The following COL26A1 variants were observed in gnomAD, a reference collection of about 807,000 sequenced individuals.
COL26A1 encodes collagen type XXVI alpha 1 chain.
COL26A1 carries 41 observed loss-of-function variants against 59.3 expected under a neutral mutation model. The ratio of observed to expected loss-of-function variants is 0.69; its 90% CI spans 0.54 to 0.90. The LOEUF is 0.90. Among genes scored for constraint, COL26A1 ranks in the 40% least tolerant of loss-of-function variants. The probability of loss-of-function intolerance (pLI) is 0.00; values close to 1 mark genes in which losing one functional copy is unlikely to be tolerated. For missense variants in COL26A1, 612 were observed against 602.3 expected (o/e 1.02, Z -0.17); for synonymous variants, 266 against 256.0 (o/e 1.04, Z -0.37).
intron 1 of COL26A1, among the ~76,000 whole-genome samples, chr7:101,395,901 A>G (rs1374663690): frequency 6.6e-6 from 1 of 152,074 alleles, no homozygotes; most frequent in East Asian, 1.9e-4. Flanking sequence ...GTCTTTGTGC[A>G]CTTAGGTGCT....
intron 9 of COL26A1, among the ~76,000 whole-genome samples, chr7:101,549,847 C>T (rs187182153): frequency 6.6e-5 from 10 of 152,268 alleles, no homozygotes; most frequent in African/African-American, 2.4e-4. Context: ...AGAGTTGGGC[C>T]AGGTCACAGA....
chr7:101,371,414 C>T (rs899574899), intron 1 of COL26A1, among the ~76,000 whole-genome samples: 4 of 151,860 alleles, frequency 2.6e-5, no homozygotes, highest in Non-Finnish European at 5.9e-5. Context: ...TTTGGGAGAC[C>T]GAGGTGGGAG....
chr7:101,547,542 C>T (rs1010912087), intron 8 of COL26A1, among the ~76,000 whole-genome samples: 13 of 152,194 alleles, frequency 8.5e-5, no homozygotes, highest in African/African-American at 3.1e-4. Context: ...GGGGTCAGGA[C>T]AGAGGTGGCA....
At chr7:101,489,027 G>A (rs80256524) in intron 3 of COL26A1, among the ~76,000 whole-genome samples, 29 of 152,288 alleles carry the variant, frequency 1.9e-4, no homozygotes, top group East Asian at 5.8e-4. Flanking sequence ...GCAGCATTCC[G>A]TGTTTGCCTG....
At chr7:101,433,532 A>G (rs1024907580) in intron 2 of COL26A1, among the ~76,000 whole-genome samples, 1 of 152,024 alleles carries the variant, frequency 6.6e-6, no homozygotes, top group Non-Finnish European at 1.5e-5. Context: ...CTTCTGAGAC[A>G]CCCCATAGGA....
intron 3 of COL26A1, among the ~76,000 whole-genome samples, chr7:101,529,430 G>A (rs912667767): frequency 4.0e-5 from 6 of 151,882 alleles, no homozygotes; most frequent in African/African-American, 7.3e-5. Context: ...CACCACACCT[G>A]GCTAATATTT....
At chr7:101,500,370 C>T (rs1462625126) in intron 3 of COL26A1, among the ~76,000 whole-genome samples, 2 of 152,202 alleles carry the variant, frequency 1.3e-5, no homozygotes, top group African/African-American at 4.8e-5. Flanking sequence ...AAACACTTGG[C>T]AAGTGCACTT....
chr7:101,462,070 G>C (rs952585890), intron 3 of COL26A1, among the ~76,000 whole-genome samples: 2 of 149,002 alleles, frequency 1.3e-5, no homozygotes, highest in Non-Finnish European at 3.0e-5. Flanking sequence ...TGCGATCTTG[G>C]CTCACTGCAA....
chr7:101,551,028 C>T (rs1211580393), intron 9 of COL26A1, 80 bp from the exon 10 acceptor site: 13 of 1,424,278 alleles, frequency 9.1e-6, no homozygotes, highest in South Asian at 7.4e-5. Context: ...GCACAGTGGG[C>T]GGGGAGGGGG....
chr7:101,417,384 T>G (rs1245812270), intron 1 of COL26A1, among the ~76,000 whole-genome samples: 1 of 151,452 alleles, frequency 6.6e-6, no homozygotes, highest in Non-Finnish European at 1.5e-5. Flanking sequence ...GCTTTTTTTT[T>G]TTTTTCTTTT....
intron 1 of COL26A1, among the ~76,000 whole-genome samples, chr7:101,414,432 T>G (rs1023810346): frequency 1.0e-4 from 15 of 146,180 alleles, no homozygotes; most frequent in Admixed American, 2.8e-4. Flanking sequence ...CACTCTGTGT[T>G]TGTGTGTGTG....
chr7:101,480,599 C>T (rs1270450197), intron 3 of COL26A1, among the ~76,000 whole-genome samples: 1 of 152,114 alleles, frequency 6.6e-6, no homozygotes, highest in East Asian at 1.9e-4. Context: ...CTTCTGTACT[C>T]GAGTGATCCT....
At chr7:101,404,773 G>C (rs543366034) in intron 1 of COL26A1, among the ~76,000 whole-genome samples, 1 of 152,174 alleles carries the variant, frequency 6.6e-6, no homozygotes, top group East Asian at 1.9e-4. Flanking sequence ...GTAATGATAC[G>C]CGCCTGTGGT....
intron 1 of COL26A1, among the ~76,000 whole-genome samples, chr7:101,401,666 GAGGA>G (rs1792004611): frequency 6.9e-6 from 1 of 145,876 alleles, no homozygotes; most frequent in African/African-American, 2.5e-5. Flanking sequence ...GGAGGAAGAG[GAGGA>G]AGAAGATGTT....
intron 3 of COL26A1, among the ~76,000 whole-genome samples, chr7:101,485,823 C>A (rs1417777847): frequency 6.6e-6 from 1 of 152,236 alleles, no homozygotes; most frequent in East Asian, 1.9e-4. Flanking sequence ...GCCATGTGAC[C>A]TTGGGATTGT....
At chr7:101,428,570 C>G (rs531694776) in intron 2 of COL26A1, among the ~76,000 whole-genome samples, 1 of 152,100 alleles carries the variant, frequency 6.6e-6, no homozygotes, top group African/African-American at 2.4e-5. Context: ...CAAGGTTGGA[C>G]AGGCAGTCGC....
chr7:101,503,722 A>G (rs1794750149), intron 3 of COL26A1, among the ~76,000 whole-genome samples: 1 of 152,176 alleles, frequency 6.6e-6, no homozygotes, highest in Non-Finnish European at 1.5e-5. Flanking sequence ...ACTTGCGGAC[A>G]GGGGGTCTGA....
At chr7:101,448,332 C>G (rs1052420044) in intron 3 of COL26A1, among the ~76,000 whole-genome samples, 6 of 152,170 alleles carry the variant, frequency 3.9e-5, no homozygotes, top group African/African-American at 1.2e-4. Context: ...GGTCACATAA[C>G]AGCACTTAGG....
At chr7:101,385,625 C>G (rs1265024073) in intron 1 of COL26A1, among the ~76,000 whole-genome samples, 1 of 152,116 alleles carries the variant, frequency 6.6e-6, no homozygotes, top group African/African-American at 2.4e-5. Context: ...CTTGCCTCAG[C>G]CTCCCAAAGT....
Sources: allele counts gnomAD v4.1 joint callset (sites outside exome capture counted in the v4.1 genomes callset), GRCh38; gene constraint gnomAD v4.1.1; transcripts MANE v1.5; gene names NCBI Gene and HGNC (gene_info 2026-07-23, HGNC 2026-07-21).